The following TTC29 variants were observed in gnomAD, a reference collection of about 807,000 sequenced individuals.
TTC29 encodes the protein tetratricopeptide repeat domain 29, also known as tetratricopeptide repeat protein 29.
A neutral mutation model predicts 58.1 loss-of-function variants in TTC29; 49 were observed. The observed-to-expected ratio is 0.84, with a 90% CI of 0.67 to 1.07. The LOEUF is 1.07. Among genes scored for constraint, TTC29 ranks in the 50% least tolerant of loss-of-function variants. TTC29 has a pLI of 0.00. For missense variants in TTC29, 582 were observed against 555.6 expected, an observed-to-expected ratio of 1.05 and a Z score of -0.48; for synonymous variants, 209 against 196.8, an observed-to-expected ratio of 1.06 and a Z score of -0.52.
intron 11 of TTC29, among the ~76,000 whole-genome samples, chr4:146,782,625 TGAA>T (rs1748705507): frequency 6.6e-6 from 1 of 151,932 alleles, no homozygotes; most frequent in Admixed American, 6.6e-5. Context: ...TGAAGACTGA[TGAA>T]GAAAATGTTT....
chr4:146,900,556 C>T (rs987423421), intron 6 of TTC29, among the ~76,000 whole-genome samples: 9 of 152,050 alleles, frequency 5.9e-5, no homozygotes, highest in African/African-American at 1.4e-4. Flanking sequence ...TGGTGCCGTG[C>T]GTACTAACCA....
At chr4:146,764,621 T>C (rs561386929) in intron 11 of TTC29, among the ~76,000 whole-genome samples, 2 of 152,244 alleles carry the variant, frequency 1.3e-5, no homozygotes, top group African/African-American at 4.8e-5. Flanking sequence ...GAATTTTTCC[T>C]ATTTTAAAAA....
At chr4:146,889,909 T>C (rs1732236809) in intron 6 of TTC29, among the ~76,000 whole-genome samples, 1 of 152,178 alleles carries the variant, frequency 6.6e-6, no homozygotes, top group Non-Finnish European at 1.5e-5. Context: ...TTTTAGATAG[T>C]ATTCAATTGA....
chr4:146,766,996 A>G (rs1196866457), intron 11 of TTC29, among the ~76,000 whole-genome samples: 1 of 152,096 alleles, frequency 6.6e-6, no homozygotes. Flanking sequence ...CTGTAGACAA[A>G]ACATTTATTC....
chr4:146,732,471 G>T (rs1744410493), intron 11 of TTC29, among the ~76,000 whole-genome samples: 2 of 152,092 alleles, frequency 1.3e-5, no homozygotes, highest in Admixed American at 1.3e-4. Flanking sequence ...GACACATGTT[G>T]GTAGGAGCCA....
intron 11 of TTC29, among the ~76,000 whole-genome samples, chr4:146,781,316 T>C (rs563412332): frequency 3.6e-4 from 55 of 152,034 alleles, no homozygotes; most frequent in African/African-American, 1.2e-3. Flanking sequence ...TTAGATTGCA[T>C]CATATTGAAA....
intron 11 of TTC29, among the ~76,000 whole-genome samples, chr4:146,740,986 C>A (rs186076014): frequency 1.3e-5 from 2 of 152,224 alleles, no homozygotes; most frequent in East Asian, 3.9e-4. Flanking sequence ...CCTCCCTAGG[C>A]GCTGGAATAA....
At chr4:146,926,570 C>A (rs1734947525) in intron 4 of TTC29, among the ~76,000 whole-genome samples, 1 of 151,990 alleles carries the variant, frequency 6.6e-6, no homozygotes, top group African/African-American at 2.4e-5. Context: ...TCAAGCAATT[C>A]TCCTGCCTCA....
At chr4:146,868,842 G>A (rs2150211856) in intron 7 of TTC29, among the ~76,000 whole-genome samples, 1 of 152,134 alleles carries the variant, frequency 6.6e-6, no homozygotes, top group South Asian at 2.1e-4. Flanking sequence ...TGGTGCCTGT[G>A]GAAGGTGTCT....
At chr4:146,938,604 C>T (rs1736070194) in intron 3 of TTC29, among the ~76,000 whole-genome samples, 1 of 152,026 alleles carries the variant, frequency 6.6e-6, no homozygotes, top group Non-Finnish European at 1.5e-5. Context: ...AGTGTACACA[C>T]ATGAATTATG....
chr4:146,817,713 T>C (rs926445475), intron 10 of TTC29, among the ~76,000 whole-genome samples: 22 of 152,188 alleles, frequency 1.4e-4, no homozygotes, highest in African/African-American at 4.6e-4. Context: ...CAAAACAGCA[T>C]GGTACTTGTA....
At chr4:146,737,557 G>A (rs1004822496) in intron 11 of TTC29, among the ~76,000 whole-genome samples, 20 of 132,358 alleles carry the variant, frequency 1.5e-4, no homozygotes, top group African/African-American at 4.4e-4. Context: ...GGCCCTGAAC[G>A]CATCTGGCAA....
chr4:146,749,148 T>C (rs1349996872), intron 11 of TTC29, among the ~76,000 whole-genome samples: 3 of 148,560 alleles, frequency 2.0e-5, no homozygotes, highest in Non-Finnish European at 4.4e-5. Flanking sequence ...TGAGACCCCA[T>C]TTCTACCAAA....
chr4:146,783,881 T>A (rs10002899), intron 11 of TTC29, among the ~76,000 whole-genome samples: 6,971 of 152,082 alleles, frequency 0.046, 233 homozygotes, highest in East Asian at 0.14. Flanking sequence ...AACTATGGGA[T>A]CCACAGATTA....
rs146950846 is a variant in TTC29 at position 146,823,796 on chromosome 4, C to T, written c.978-3548G>A. ...TTTCCTTCAGTAGTGGTTTGTAGTG[C>T]TCCTTGAAGAGGTCCTTCACATCTC... is the stretch of plus-strand genomic sequence containing the variant. On this transcript the variant is annotated intron_variant, in intron 9 of 12. Coordinates refer to ENST00000325106, the MANE Select transcript of TTC29 (RefSeq NM_031956.4). Among the ~76,000 whole-genome samples the T allele has an allele frequency of 7.6e-3, 1,158 of 152,242 alleles. 3 individuals carry two copies. Among genetic ancestry groups the T allele is most frequent in the Non-Finnish European group, 0.012 (844 of 68,012 alleles).
At chr4:146,908,313 AT>A (rs1733663126) in intron 5 of TTC29, among the ~76,000 whole-genome samples, 1 of 152,110 alleles carries the variant, frequency 6.6e-6, no homozygotes. Context: ...TCATTTTTTT[AT>A]TTGATTATAG....
At chr4:146,846,773 T>A (rs113590306) in intron 8 of TTC29, among the ~76,000 whole-genome samples, 4 of 152,332 alleles carry the variant, frequency 2.6e-5, no homozygotes, top group African/African-American at 9.6e-5. Flanking sequence ...AAAGCCATCA[T>A]CTATTCATCA....
At chr4:146,780,055 A>G (rs1748468371) in intron 11 of TTC29, among the ~76,000 whole-genome samples, 1 of 152,142 alleles carries the variant, frequency 6.6e-6, no homozygotes, top group South Asian at 2.1e-4. Flanking sequence ...AAAAATAGGA[A>G]TGTCTTATAA....
At chr4:146,808,644 A>G (rs1213976677) in intron 10 of TTC29, among the ~76,000 whole-genome samples, 1 of 152,236 alleles carries the variant, frequency 6.6e-6, no homozygotes, top group Non-Finnish European at 1.5e-5. Context: ...CAATTGCTAC[A>G]AAGAGAATAA....
Sources: gnomAD v4.1 joint callset for allele counts (sites outside exome capture counted in the v4.1 genomes callset) on GRCh38, gnomAD v4.1.1 for gene constraint, MANE v1.5 for transcripts, NCBI Gene and HGNC (gene_info 2026-07-23, HGNC 2026-07-21) for gene names.